Variants in GOLIM4 observed in about 807,000 individuals in gnomAD.
GOLIM4 encodes the protein 130 kDa golgi-localized phosphoprotein.
GOLIM4 carries 71 observed loss-of-function variants against 107.4 expected under a neutral mutation model. That is an observed-to-expected ratio of 0.66 (90% CI 0.55 to 0.81). GOLIM4 has a LOEUF of 0.81. Among genes scored for constraint, GOLIM4 ranks in the 30% least tolerant of loss-of-function variants. The pLI, the probability that GOLIM4 is intolerant of heterozygous loss-of-function variation, is 0.00. For missense variants in GOLIM4, 830 were observed against 826.1 expected (o/e 1.00, Z -0.06); for synonymous variants, 327 against 294.8 (o/e 1.11, Z -1.12).
chr3:168,061,145 C>CA (rs530702459), intron 1 of GOLIM4, among the ~76,000 whole-genome samples: 15,387 of 126,620 alleles, frequency 0.12, 2,349 homozygotes, highest in African/African-American at 0.37. Context: ...TTTAGAGAAG[C>CA]AAAAAAAAAA....
At chr3:168,051,252 T>G (rs1383526146) in intron 1 of GOLIM4, among the ~76,000 whole-genome samples, 3 of 151,800 alleles carry the variant, frequency 2.0e-5, no homozygotes, top group Admixed American at 6.6e-5. Context: ...GGTATTCCAT[T>G]CTTTATTCTC....
chr3:168,034,326 ACT>A (rs1718517486), intron 8 of GOLIM4, among the ~76,000 whole-genome samples: 1 of 152,236 alleles, frequency 6.6e-6, no homozygotes, highest in Non-Finnish European at 1.5e-5. Flanking sequence ...AGATGGAAAA[ACT>A]GAAGATCTGA....
At chr3:168,057,992 A>G (rs949579295) in intron 1 of GOLIM4, among the ~76,000 whole-genome samples, 2 of 152,234 alleles carry the variant, frequency 1.3e-5, no homozygotes, top group Admixed American at 6.5e-5. Context: ...AAAGAGATAG[A>G]TAACAGAATA....
At chr3:168,045,285 G>A (rs1039951599) in intron 3 of GOLIM4, among the ~76,000 whole-genome samples, 4 of 152,258 alleles carry the variant, frequency 2.6e-5, no homozygotes, top group South Asian at 2.1e-4. Flanking sequence ...GATGAGGAGC[G>A]GGCCTCACAA....
intron 1 of GOLIM4, among the ~76,000 whole-genome samples, chr3:168,079,076 T>C (rs549106773): frequency 1.6e-4 from 25 of 152,326 alleles, no homozygotes; most frequent in Non-Finnish European, 2.9e-4. Flanking sequence ...AGTCCTTATG[T>C]TGCATTAGCT....
intron 14 of GOLIM4, among the ~76,000 whole-genome samples, chr3:168,011,584 G>A (rs1717037248): frequency 1.3e-5 from 2 of 151,788 alleles, no homozygotes; most frequent in African/African-American, 4.9e-5. Flanking sequence ...CTCCACCTCT[G>A]GGGGCAGGGC....
rs772106562 is a variant in GOLIM4 at position 168,024,535 on chromosome 3, T to C, written c.1851A>G (p.Ala617=). Residue 617 remains alanine, a synonymous_variant, in exon 14 of 16, where the codon GCA becomes GCG. Transcript: ENST00000470487. ...DNVDEQYQEE[A]EEEVQEDLTE... ...ATTCAATCCTTACTACCTCCTCTTC[T>C]GCCTCTTCCTGGTACTGTTCATCAA... The C allele has an allele frequency of 1.2e-6, 2 of 1,610,644 alleles. No individual in the cohort carries two copies. The highest frequency in any genetic ancestry group is 1.1e-5 in the South Asian group (1 of 91,014).
intron 1 of GOLIM4, among the ~76,000 whole-genome samples, chr3:168,055,238 G>A (rs1719877933): frequency 6.6e-6 from 1 of 152,176 alleles, no homozygotes; most frequent in Non-Finnish European, 1.5e-5. Context: ...ACAGAAAGAT[G>A]TGGGACAGTT....
intron 14 of GOLIM4, among the ~76,000 whole-genome samples, chr3:168,018,544 G>A (rs1257500149): frequency 1.3e-5 from 2 of 152,114 alleles, no homozygotes; most frequent in African/African-American, 2.4e-5. Context: ...ATATTTCCTG[G>A]TGGAATGAGC....
At chr3:168,027,562 T>C (rs1287708690) in intron 12 of GOLIM4, among the ~76,000 whole-genome samples, 166 bp downstream of exon 12, 5 of 152,072 alleles carry the variant, frequency 3.3e-5, no homozygotes, top group African/African-American at 9.7e-5. Context: ...CACCATGGTT[T>C]ACAGTTAAAA....
At chr3:168,036,150 G>A (rs1417839243) in intron 8 of GOLIM4, among the ~76,000 whole-genome samples, 2 of 152,158 alleles carry the variant, frequency 1.3e-5, no homozygotes, top group South Asian at 2.1e-4. Context: ...CCTAACCCCC[G>A]CAAAATCCCC....
chr3:168,054,482 A>T (rs945863363), intron 1 of GOLIM4, among the ~76,000 whole-genome samples: 1 of 152,192 alleles, frequency 6.6e-6, no homozygotes, highest in Non-Finnish European at 1.5e-5. Flanking sequence ...CTCACTAGAA[A>T]GATGCGTTCA....
intron 3 of GOLIM4, among the ~76,000 whole-genome samples, chr3:168,046,235 T>C (rs1719295202): frequency 6.6e-6 from 1 of 152,196 alleles, no homozygotes; most frequent in African/African-American, 2.4e-5. Context: ...ATACTTTTCT[T>C]AGAGTAAGAA....
At chr3:168,033,005 A>C (rs1311531143) in intron 8 of GOLIM4, among the ~76,000 whole-genome samples, 153 bp from the exon 9 acceptor site, 1 of 152,182 alleles carries the variant, frequency 6.6e-6, no homozygotes, top group African/African-American at 2.4e-5. Flanking sequence ...CAATGGAGTC[A>C]CTTAAGTTTC....
chr3:168,011,779 A>G lies in GOLIM4; in HGVS notation c.1861-956T>C, dbSNP rs566252323. Among the ~76,000 whole-genome samples the G allele has an allele frequency of 6.1e-4, 79 of 130,458 alleles. 5 individuals are homozygous for G. The highest frequency in any genetic ancestry group is 2.4e-3 in the South Asian group (11 of 4,680). 85.6% of individuals were successfully genotyped at this position (130,458 alleles called of 152,430 possible). A position where few individuals can be genotyped will look rare whatever the true frequency, so the allele number is the denominator to read the frequency against. On this transcript the variant is annotated intron_variant, in intron 14 of 15. Transcript: ENST00000470487. ...TAACTGGGAGGCACCCCCCAGCAGG[A>G]GCACACTGACACCTCACAAGGCAGG...
At chr3:168,078,851 G>A (rs1194101833) in intron 1 of GOLIM4, among the ~76,000 whole-genome samples, 1 of 152,168 alleles carries the variant, frequency 6.6e-6, no homozygotes, top group Non-Finnish European at 1.5e-5. Context: ...AGACAAGCCA[G>A]CTTATACGTC....
intron 1 of GOLIM4, among the ~76,000 whole-genome samples, chr3:168,067,565 T>G (rs1018951285): frequency 6.7e-6 from 1 of 150,040 alleles, no homozygotes; most frequent in Non-Finnish European, 1.5e-5. Context: ...CAAAAAAAAA[T>G]ACATGAGATA....
intron 5 of GOLIM4, among the ~76,000 whole-genome samples, chr3:168,042,648 C>T (rs958935219): frequency 1.3e-5 from 2 of 152,192 alleles, no homozygotes; most frequent in African/African-American, 4.8e-5. Context: ...GCAGAATGCA[C>T]TGGTTTCTTT....
At chr3:168,038,960 AAGG>A (rs1718813591) in intron 7 of GOLIM4, among the ~76,000 whole-genome samples, 1 of 152,180 alleles carries the variant, frequency 6.6e-6, no homozygotes, top group Admixed American at 6.5e-5. Flanking sequence ...GTGAAGATAC[AAGG>A]AGAATTCAAC....
Sources: gnomAD v4.1 joint callset for allele counts (sites outside exome capture counted in the v4.1 genomes callset) on GRCh38, gnomAD v4.1.1 for gene constraint, MANE v1.5 for transcripts, NCBI Gene and HGNC (gene_info 2026-07-23, HGNC 2026-07-21) for gene names.